The following NKAIN3 variants were observed in gnomAD, a reference collection of about 807,000 sequenced individuals.
NKAIN3 encodes sodium/potassium-transporting ATPase subunit beta-1-interacting protein 3.
Under a neutral mutation model 30.2 loss-of-function variants are expected in NKAIN3, and 25 were observed. That is an observed-to-expected ratio of 0.83 (90% CI 0.60 to 1.16). The LOEUF (loss-of-function observed/expected upper bound fraction) is 1.16, where lower values mean the gene tolerates loss of function less well. Among genes scored for constraint, NKAIN3 ranks in the 50% most tolerant of loss-of-function variants. The pLI, the probability that NKAIN3 is intolerant of heterozygous loss-of-function variation, is 0.00. For missense variants in NKAIN3, 225 were observed against 254.1 expected, an observed-to-expected ratio of 0.89 and a Z score of 0.78; for synonymous variants, 91 against 89.6, an observed-to-expected ratio of 1.02 and a Z score of -0.09.
chr8:62,842,086 G>A (rs1050334250), intron 4 of NKAIN3, among the ~76,000 whole-genome samples: 16 of 152,008 alleles, frequency 1.1e-4, no homozygotes, highest in South Asian at 8.3e-4. Flanking sequence ...CCTTTTGGCC[G>A]TTTGGATGAG....
intron 1 of NKAIN3, among the ~76,000 whole-genome samples, chr8:62,323,299 C>A (rs1239528620): frequency 1.3e-5 from 2 of 152,146 alleles, no homozygotes; most frequent in African/African-American, 2.4e-5. Context: ...TACAGAGATA[C>A]TCTCTAAAAG....
chr8:62,735,345 CCTTT>C (rs1222540572), intron 3 of NKAIN3, among the ~76,000 whole-genome samples: 49 of 115,688 alleles, frequency 4.2e-4, no homozygotes, highest in South Asian at 6.6e-4. Context: ...AATTCAAAAA[CCTTT>C]CTTTCTTTCT....
chr8:62,645,255 T>C (rs561162874), intron 3 of NKAIN3, among the ~76,000 whole-genome samples: 143 of 152,270 alleles, frequency 9.4e-4, no homozygotes, highest in African/African-American at 3.2e-3. Context: ...AAATCTGCAG[T>C]TCTTTGAAGC....
intron 1 of NKAIN3, among the ~76,000 whole-genome samples, chr8:62,458,144 A>G (rs1042132132): frequency 2.0e-5 from 3 of 152,152 alleles, no homozygotes; most frequent in Non-Finnish European, 4.4e-5. Context: ...CTGCATGTCT[A>G]ACTCTGTCAA....
intron 1 of NKAIN3, among the ~76,000 whole-genome samples, chr8:62,442,352 T>A (rs1805354272): frequency 6.6e-6 from 1 of 152,016 alleles, no homozygotes; most frequent in Non-Finnish European, 1.5e-5. Context: ...ATGTATTCTG[T>A]TTTAGATTTC....
At chr8:62,801,614 T>C (rs1276990207) in intron 4 of NKAIN3, among the ~76,000 whole-genome samples, 2 of 152,134 alleles carry the variant, frequency 1.3e-5, no homozygotes, top group Non-Finnish European at 2.9e-5. Context: ...CAAAAACCCA[T>C]CTGTACATCA....
chr8:62,744,850 C>T (rs1326334671), intron 3 of NKAIN3, among the ~76,000 whole-genome samples: 1 of 152,214 alleles, frequency 6.6e-6, no homozygotes, highest in Non-Finnish European at 1.5e-5. Flanking sequence ...CAATAAAGTG[C>T]TACAACTGTG....
intron 3 of NKAIN3, among the ~76,000 whole-genome samples, chr8:62,591,727 A>T (rs534945863): frequency 6.6e-6 from 1 of 152,122 alleles, no homozygotes; most frequent in South Asian, 2.1e-4. Flanking sequence ...AGATGACTCC[A>T]AAAGGAGCAT....
chr8:62,870,266 A>ATC (rs1244317834), intron 4 of NKAIN3, among the ~76,000 whole-genome samples: 7 of 132,454 alleles, frequency 5.3e-5, no homozygotes, highest in Non-Finnish European at 6.3e-5. Flanking sequence ...ATATATCTAT[A>ATC]TATAGATATA....
intron 1 of NKAIN3, chr8:62,482,442 C>G (rs1348307960): frequency 6.6e-6 from 1 of 152,198 alleles, no homozygotes; most frequent in East Asian, 1.9e-4. Flanking sequence ...TTCAATCATG[C>G]AAAAGGTCAA....
intron 1 of NKAIN3, among the ~76,000 whole-genome samples, chr8:62,530,075 A>G (rs1421502030): frequency 6.6e-6 from 1 of 152,178 alleles, no homozygotes; most frequent in Non-Finnish European, 1.5e-5. Context: ...CAATAAGGTC[A>G]TAGAACTTGT....
chr8:62,284,818 T>C (rs1295615512), intron 1 of NKAIN3, among the ~76,000 whole-genome samples: 2 of 152,080 alleles, frequency 1.3e-5, no homozygotes, highest in Non-Finnish European at 2.9e-5. Flanking sequence ...ATCTCACCTA[T>C]GTAATTACCT....
At chr8:62,549,955 T>C (rs1809143554) in intron 1 of NKAIN3, among the ~76,000 whole-genome samples, 1 of 148,310 alleles carries the variant, frequency 6.7e-6, no homozygotes, top group Non-Finnish European at 1.5e-5. Flanking sequence ...TCACTGGACA[T>C]GGGTAGCTAT....
chr8:62,269,456 G>A (rs756184183), intron 1 of NKAIN3, among the ~76,000 whole-genome samples: 48 of 151,842 alleles, frequency 3.2e-4, no homozygotes, highest in Admixed American at 4.6e-4. Flanking sequence ...CTCTGGAGTC[G>A]CCCATTATTT....
chr8:62,702,261 T>C (rs1325762596), intron 3 of NKAIN3, among the ~76,000 whole-genome samples: 1 of 152,210 alleles, frequency 6.6e-6, no homozygotes. Flanking sequence ...GTATGTCATG[T>C]GTATTATATT....
intron 1 of NKAIN3, among the ~76,000 whole-genome samples, chr8:62,260,510 C>A (rs374253197): frequency 2.6e-5 from 4 of 152,126 alleles, no homozygotes; most frequent in Non-Finnish European, 5.9e-5. Context: ...AGCCATTGTT[C>A]GCTCCAAAGC....
At chr8:62,596,116 G>C (rs1365802490) in intron 3 of NKAIN3, among the ~76,000 whole-genome samples, 1 of 152,024 alleles carries the variant, frequency 6.6e-6, no homozygotes, top group Non-Finnish European at 1.5e-5. Flanking sequence ...TAAGTGAAAG[G>C]TTTGGTGAAG....
At chr8:62,626,700 C>G (rs1360589312) in intron 3 of NKAIN3, among the ~76,000 whole-genome samples, 1 of 152,160 alleles carries the variant, frequency 6.6e-6, no homozygotes, top group East Asian at 1.9e-4. Flanking sequence ...CACTTTCTAT[C>G]TTAGGGTGGT....
chr8:62,323,056 A>C (rs987638516), intron 1 of NKAIN3, among the ~76,000 whole-genome samples: 5 of 152,230 alleles, frequency 3.3e-5, no homozygotes, highest in African/African-American at 1.2e-4. Flanking sequence ...ATGGGACAGC[A>C]GGAACTCTCA....
Sources: allele counts gnomAD v4.1 joint callset (sites outside exome capture counted in the v4.1 genomes callset), GRCh38; gene constraint gnomAD v4.1.1; transcripts MANE v1.5; gene names NCBI Gene and HGNC (gene_info 2026-07-23, HGNC 2026-07-21).